RNPEP: variants seen among roughly 807,000 people sequenced by gnomAD.
The protein encoded by RNPEP is aminopeptidase B.
Under a neutral mutation model 70.1 loss-of-function variants are expected in RNPEP, and 57 were observed. The ratio of observed to expected loss-of-function variants is 0.81; its 90% CI spans 0.66 to 1.01. The LOEUF is 1.01. RNPEP is among the 50% of genes least tolerant of loss of function. The pLI, the probability that RNPEP is intolerant of heterozygous loss-of-function variation, is 0.00. For missense variants in RNPEP, 787 were observed against 852.4 expected, an observed-to-expected ratio of 0.92 and a Z score of 0.96; for synonymous variants, 335 against 357.4, an observed-to-expected ratio of 0.94 and a Z score of 0.71.
chr1:201,991,433 G>A (rs917950336), intron 3 of RNPEP, among the ~76,000 whole-genome samples: 2 of 152,160 alleles, frequency 1.3e-5, no homozygotes, highest in Non-Finnish European at 2.9e-5. Flanking sequence ...TTAAATCGGA[G>A]GGTCTTCTGG....
chr1:202,002,143 ATTTC>A (rs1267239196), intron 8 of RNPEP, among the ~76,000 whole-genome samples: 2 of 145,412 alleles, frequency 1.4e-5, no homozygotes, highest in South Asian at 2.3e-4. Context: ...GGCCCTCCTT[ATTTC>A]TTTCTTTCTT....
At position 202,003,421 on chromosome 1, in the gene RNPEP, C is replaced by T. The variant is rs1472168245; in HGVS notation, c.1611C>T (p.Tyr537=). The T allele has an allele frequency of 6.2e-7, 1 of 1,614,098 alleles. No individual in the cohort carries two copies. Among genetic ancestry groups the T allele is most frequent in the Non-Finnish European group, 8.5e-7 (1 of 1,179,994 alleles). Residue 537 remains tyrosine (Y), a synonymous_variant, in exon 9 of 11, where the codon TAC becomes TAT. Coordinates refer to ENST00000295640, the MANE Select transcript of RNPEP (RefSeq NM_020216.4). ...CCTGGAAGACCTACCAGCTGGTCTA[C>T]TTCCTGGATAAGATCCTCCAGAAAT... ...ISPWKTYQLV[Y]FLDKILQKSP...
chr1:202,003,039 G>A (rs16849539), intron 8 of RNPEP, 198 bp from the exon 9 acceptor site: 49,538 of 560,064 alleles, frequency 0.088, 4,472 homozygotes, highest in African/African-American at 0.34. Flanking sequence ...TTTCACGGTC[G>A]AAACGGCACA....
In RNPEP at chr1:202,001,744, A is replaced by C. The variant is rs1397916795; in HGVS notation, c.1403A>C (p.Lys468Thr). 1.2e-6 allele frequency: 2 copies of C among 1,604,820 alleles called. No individual in the cohort carries two copies. Among genetic ancestry groups the C allele is most frequent in the African/African-American group, 2.7e-5 (2 of 74,696 alleles). The change falls in exon 8 of 11, where the codon AAA becomes ACA. Residue 468 changes from lysine to threonine, a missense_variant. Lys to Thr is a moderately conservative substitution (Grantham distance 78). Coordinates refer to ENST00000295640, the MANE Select transcript of RNPEP (RefSeq NM_020216.4). ...FYLEYFPELK[K>T]KRVDIIPGFE... ...TTGGAATATTTCCCTGAGCTTAAGA[A>C]AAAGAGAGTGGATATCATTCCAGGT... is the stretch of plus-strand genomic sequence containing the variant.
chr1:201,996,464 T>TG (rs1491309992), intron 4 of RNPEP: 70 of 557,078 alleles, frequency 1.3e-4, no homozygotes, highest in South Asian at 5.3e-4. Context: ...GATGAGGTTC[T>TG]TTGTGTGTGT....
At chr1:201,983,199 G>A (rs1558257045) in intron 1 of RNPEP, 86 bp downstream of exon 1, 2 of 1,389,662 alleles carry the variant, frequency 1.4e-6, no homozygotes, top group Admixed American at 3.4e-5. Context: ...CCCCACCCGG[G>A]AGGAGGGACA....
chr1:201,993,719 C>T (rs1221348302), intron 3 of RNPEP, among the ~76,000 whole-genome samples: 1 of 152,134 alleles, frequency 6.6e-6, no homozygotes, highest in Non-Finnish European at 1.5e-5. Flanking sequence ...GTGGAGCTTG[C>T]AGTGAGCCGA....
chr1:201,996,313 C>A, intron 4 of RNPEP, 50 bp downstream of exon 4: 3 of 1,235,334 alleles, frequency 2.4e-6, no homozygotes, highest in Non-Finnish European at 3.6e-6. Context: ...GAGTCACTGG[C>A]TTCCATTCTT....
rs577330313 is a variant in RNPEP, at chr1:202,003,418, C to T, written c.1608C>T (p.Val536=). 10 of 1,614,052 alleles carry T rather than the reference C, an allele frequency of 6.2e-6. No homozygotes were observed. Among genetic ancestry groups the T allele is most frequent in the African/African-American group, 2.7e-5 (2 of 75,030 alleles). The change falls in exon 9 of 11, where the codon GTC becomes GTT. Residue 536 remains valine (V), a synonymous_variant. Transcript: ENST00000295640. ...CTCCCTGGAAGACCTACCAGCTGGT[C>T]TACTTCCTGGATAAGATCCTCCAGA... The part of the protein sequence containing the change: ...AISPWKTYQL[V]YFLDKILQKS...
chr1:202,001,314 G>A, intron 6 of RNPEP, 62 bp from the exon 7 acceptor site: 1 of 1,143,958 alleles, frequency 8.7e-7, no homozygotes, highest in Non-Finnish European at 1.3e-6. Context: ...TGGAGCTAGA[G>A]AAGAACGTTA....
chr1:201,989,288 A>T, intron 2 of RNPEP, 95 bp from the exon 3 acceptor site: 1 of 1,433,540 alleles, frequency 7.0e-7, no homozygotes, highest in Non-Finnish European at 9.6e-7. Flanking sequence ...CCAGGCCATT[A>T]TCATCACACA....
chr1:201,984,821 C>CTTTTTTCTTTTTCTTTTTTTTTTTTTTT lies in RNPEP; in HGVS notation c.447+1714_447+1715insCTTTTTCTTTTTTTTTTTTTTTTTTTTT, dbSNP rs1558257963. Among the ~76,000 whole-genome samples, 19 of 122,046 alleles carry CTTTTTTCTTTTTCTTTTTTTTTTTTTTT rather than the reference C, an allele frequency of 1.6e-4. 2 individuals are homozygous for CTTTTTTCTTTTTCTTTTTTTTTTTTTTT. Among genetic ancestry groups the CTTTTTTCTTTTTCTTTTTTTTTTTTTTT allele is most frequent in the African/African-American group, 3.6e-4 (11 of 30,984 alleles). 80.1% of individuals were successfully genotyped at this position (122,046 alleles called of 152,430 possible). A position where few individuals can be genotyped will look rare whatever the true frequency, so the allele number is the denominator to read the frequency against. ...TTACTGCTAACTTTTGTATTTCTTT[C>CTTTTTTCTTTTTCTTTTTTTTTTTTTTT]TTTTTTTTTTTTTTTTTTTTTTTTT... On this transcript the variant is annotated intron_variant, in intron 1 of 10. Coordinates refer to ENST00000295640, the MANE Select transcript of RNPEP (RefSeq NM_020216.4).
chr1:201,994,768 G>A (rs1012520230), intron 3 of RNPEP, among the ~76,000 whole-genome samples: 14 of 149,380 alleles, frequency 9.4e-5, no homozygotes, highest in African/African-American at 3.0e-4. Context: ...CCAGGTTCAA[G>A]CGATTCTCCT....
intron 3 of RNPEP, among the ~76,000 whole-genome samples, chr1:201,990,368 G>C (rs1266261418): frequency 6.6e-6 from 1 of 152,064 alleles, no homozygotes; most frequent in Non-Finnish European, 1.5e-5. Flanking sequence ...CCTCCGTGAA[G>C]TTACATGGAT....
intron 3 of RNPEP, among the ~76,000 whole-genome samples, chr1:201,994,172 T>G (rs141496938): frequency 2.6e-3 from 389 of 152,270 alleles, no homozygotes; most frequent in African/African-American, 9.0e-3. Flanking sequence ...GCCCAGCTCC[T>G]TGTGTGTCGA....
chr1:201,989,868 C>G lies in RNPEP; in HGVS notation c.737+337C>G, dbSNP rs1420098267. On this transcript the variant is annotated intron_variant, in intron 3 of 10. Coordinates refer to ENST00000295640, the MANE Select transcript of RNPEP (RefSeq NM_020216.4). ...TTTTTTTTTTTTTTTGAGATGGAGT[C>G]TTGCTGTGTTGCCCAGGCTGGACTG... Among the ~76,000 whole-genome samples the G allele has an allele frequency of 2.7e-5, 4 of 149,220 alleles. No individual in the cohort carries two copies. The Admixed American group carries it at 2.7e-4, about 10-fold the overall frequency.
rs532622369 is a variant in RNPEP at position 201,993,931 on chromosome 1, C to T, written c.738-2216C>T. Among the ~76,000 whole-genome samples the T allele has an allele frequency of 1.1e-3, 161 of 147,982 alleles. 1 individual carries two copies. Among genetic ancestry groups the T allele is most frequent in the African/African-American group, 3.8e-3 (153 of 40,004 alleles). On this transcript the variant is annotated intron_variant, in intron 3 of 10. Transcript: ENST00000295640. ...CCCCCCACCCCACAATCATTTATTG[C>T]TACAACCCATTGGAATCCAGCCCCC...
intron 1 of RNPEP, among the ~76,000 whole-genome samples, chr1:201,984,810 T>C (rs1394930903): frequency 3.4e-5 from 5 of 147,142 alleles, no homozygotes; most frequent in African/African-American, 1.3e-4. Flanking sequence ...TGCTAACTTT[T>C]GTATTTCTTT....
chr1:202,001,624 CCA>C, intron 7 of RNPEP, 33 bp from the exon 8 acceptor site: 1 of 1,531,726 alleles, frequency 6.5e-7, no homozygotes, highest in South Asian at 1.1e-5. Flanking sequence ...CCCCACGGGG[CCA>C]GAGAGGGTCT....
Sources: allele counts gnomAD v4.1 joint callset (sites outside exome capture counted in the v4.1 genomes callset), GRCh38; gene constraint gnomAD v4.1.1; transcripts MANE v1.5; gene names NCBI Gene and HGNC (gene_info 2026-07-23, HGNC 2026-07-21).